DLG2: variants seen among roughly 807,000 people sequenced by gnomAD.
The protein encoded by DLG2 is disks large homolog 2.
DLG2 carries 45 observed loss-of-function variants against 132.5 expected under a neutral mutation model. That is an observed-to-expected ratio of 0.34 (90% CI 0.27 to 0.44). The LOEUF (loss-of-function observed/expected upper bound fraction) is 0.44. Ranked by LOEUF, DLG2 falls within the 20% of genes least tolerant of loss-of-function variation. DLG2 has a pLI of 1.00. For synonymous variants in DLG2, 424 were observed against 419.6 expected, an observed-to-expected ratio of 1.01 and a Z score of -0.13; for missense variants, 1,045 against 1,196.9, an observed-to-expected ratio of 0.87 and a Z score of 1.87.
chr11:84,071,417 T>G (rs1267204013), intron 10 of DLG2, among the ~76,000 whole-genome samples: 3 of 152,120 alleles, frequency 2.0e-5, no homozygotes, highest in East Asian at 1.9e-4. Context: ...AACCTTTTTA[T>G]TTTTAAAGAT....
intron 6 of DLG2, among the ~76,000 whole-genome samples, chr11:84,713,478 C>T (rs1166929281): frequency 6.6e-6 from 1 of 152,048 alleles, no homozygotes; most frequent in African/African-American, 2.4e-5. Context: ...ATAGCTGTCT[C>T]CTTAATGTAC....
chr11:85,324,818 C>T (rs907706571), intron 3 of DLG2, among the ~76,000 whole-genome samples: 3 of 151,828 alleles, frequency 2.0e-5, no homozygotes, highest in Non-Finnish European at 2.9e-5. Flanking sequence ...CCAGCGTGAG[C>T]GACGCAGAAG....
intron 3 of DLG2, among the ~76,000 whole-genome samples, chr11:85,401,332 C>A (rs1014513034): frequency 6.6e-6 from 1 of 152,016 alleles, no homozygotes. Flanking sequence ...GTTGATGGAA[C>A]GTATCTCAAA....
rs2078511032 is a variant in DLG2 at position 85,167,138 on chromosome 11, A to G, written c.187-12487T>C. On this transcript the variant is annotated intron_variant, in intron 4 of 27. Coordinates refer to ENST00000376104, the MANE Select transcript of DLG2 (RefSeq NM_001142699.3). Reference sequence around the variant, plus strand: ...CAAAAGCCATATAAACTCTAAAAATATATGTTAAAAAAGTTAAACAGAGTT... The same window carrying G: ...CAAAAGCCATATAAACTCTAAAAATGTATGTTAAAAAAGTTAAACAGAGTT... 2.0e-5 allele frequency among the ~76,000 whole-genome samples: 3 copies of G among 152,280 alleles called. No homozygotes were observed. In the South Asian group the frequency reaches 6.2e-4, roughly 32 times the overall value.
chr11:84,200,751 C>T (rs539761537), intron 8 of DLG2, among the ~76,000 whole-genome samples: 2 of 152,074 alleles, frequency 1.3e-5, no homozygotes, highest in South Asian at 4.1e-4. Flanking sequence ...TTCTGCTTGC[C>T]TGTTGTCGGT....
chr11:84,401,092 T>C (rs1422884321), intron 7 of DLG2, among the ~76,000 whole-genome samples: 1 of 152,186 alleles, frequency 6.6e-6, no homozygotes, highest in East Asian at 1.9e-4. Flanking sequence ...TTTCATTTTA[T>C]GGTTGAGAAA....
At position 83,541,674 on chromosome 11, in the gene DLG2, A is replaced by G; in HGVS notation, c.2117+8T>C. 1.9e-6 allele frequency: 3 copies of G among 1,592,322 alleles called. No individual in the cohort carries two copies. The highest frequency in any genetic ancestry group is 2.6e-6 in the Non-Finnish European group (3 of 1,169,714). On this transcript the variant is annotated splice_region_variant and intron_variant, in intron 20 of 27. Coordinates refer to ENST00000376104, the MANE Select transcript of DLG2 (RefSeq NM_001142699.3). ...AAGCAAATATTCTAGTACAAAAGGCATTCTTACCTCCTTTTGCTGGGGATG... is the reference window on the plus strand; with the variant it reads ...AAGCAAATATTCTAGTACAAAAGGCGTTCTTACCTCCTTTTGCTGGGGATG...
chr11:84,230,014 T>G (rs1365882091), intron 8 of DLG2, among the ~76,000 whole-genome samples: 2 of 152,216 alleles, frequency 1.3e-5, no homozygotes, highest in Admixed American at 6.5e-5. Flanking sequence ...AATAATTTAT[T>G]TTAAGGCATT....
At chr11:84,315,759 T>G (rs2098347386) in intron 7 of DLG2, among the ~76,000 whole-genome samples, 1 of 152,170 alleles carries the variant, frequency 6.6e-6, no homozygotes, top group Non-Finnish European at 1.5e-5. Flanking sequence ...TATATGGCTA[T>G]GCATATGTAA....
intron 7 of DLG2, among the ~76,000 whole-genome samples, chr11:84,391,523 T>C (rs1206843331): frequency 6.6e-6 from 1 of 152,156 alleles, no homozygotes; most frequent in Non-Finnish European, 1.5e-5. Flanking sequence ...ATATTAAGTA[T>C]CAAACAATCG....
intron 6 of DLG2, among the ~76,000 whole-genome samples, chr11:85,001,209 T>G (rs942290814): frequency 6.6e-6 from 1 of 151,662 alleles, no homozygotes; most frequent in African/African-American, 2.4e-5. Context: ...TCCTCCTACC[T>G]CAGCCTCTTG....
intron 15 of DLG2, among the ~76,000 whole-genome samples, chr11:83,896,060 T>C (rs553080465): frequency 1.3e-5 from 2 of 152,252 alleles, no homozygotes; most frequent in African/African-American, 4.8e-5. Context: ...CTCTTATGTA[T>C]ACAGTACACT....
chr11:84,325,236 A>G (rs1599896079), intron 7 of DLG2, among the ~76,000 whole-genome samples: 2 of 151,992 alleles, frequency 1.3e-5, no homozygotes, highest in Admixed American at 6.6e-5. Context: ...TTATACTTTA[A>G]GTTCTAGGGC....
At chr11:84,294,207 T>C (rs1479177958) in intron 7 of DLG2, among the ~76,000 whole-genome samples, 1 of 152,202 alleles carries the variant, frequency 6.6e-6, no homozygotes, top group Non-Finnish European at 1.5e-5. Context: ...TGTTTTTAAT[T>C]TATTGAGTTG....
intron 7 of DLG2, among the ~76,000 whole-genome samples, chr11:84,502,281 T>TTC (rs2099216128): frequency 6.4e-4 from 2 of 3,116 alleles, no homozygotes; most frequent in Non-Finnish European, 1.1e-3. Flanking sequence ...CTTCCTTCCT[T>TTC]CTTTCTTTCT....
At chr11:83,836,533 T>A (rs1407928391) in intron 16 of DLG2, among the ~76,000 whole-genome samples, 1 of 152,198 alleles carries the variant, frequency 6.6e-6, no homozygotes, top group Non-Finnish European at 1.5e-5. Context: ...ACTAGCTGAA[T>A]AACTCTTTGC....
intron 3 of DLG2, among the ~76,000 whole-genome samples, chr11:85,413,647 T>G (rs911062590): frequency 6.6e-6 from 1 of 152,086 alleles, no homozygotes; most frequent in Non-Finnish European, 1.5e-5. Flanking sequence ...CCAGCACCAT[T>G]TGTTGAAAAA....
intron 15 of DLG2, among the ~76,000 whole-genome samples, chr11:83,896,122 A>G (rs1395331118): frequency 6.6e-6 from 1 of 152,200 alleles, no homozygotes. Flanking sequence ...CCACAAATTC[A>G]CTAAAAAGGA....
At chr11:84,244,395 AG>A (rs2097274849) in intron 8 of DLG2, among the ~76,000 whole-genome samples, 1 of 152,176 alleles carries the variant, frequency 6.6e-6, no homozygotes, top group African/African-American at 2.4e-5. Flanking sequence ...CATGTCGGCC[AG>A]GCTAGTCTCA....
Sources: gnomAD v4.1 joint callset for allele counts (sites outside exome capture counted in the v4.1 genomes callset) on GRCh38, gnomAD v4.1.1 for gene constraint, MANE v1.5 for transcripts, NCBI Gene and HGNC (gene_info 2026-07-23, HGNC 2026-07-21) for gene names.